Variants in MTUS2 observed in about 807,000 individuals in gnomAD.
MTUS2 encodes microtubule-associated tumor suppressor candidate 2.
MTUS2 carries 40 observed loss-of-function variants against 114.1 expected under a neutral mutation model. The ratio of observed to expected loss-of-function variants is 0.35; its 90% confidence interval spans 0.27 to 0.46. The LOEUF (loss-of-function observed/expected upper bound fraction) is 0.46, where lower values mean the gene tolerates loss of function less well. Ranked by LOEUF, MTUS2 falls within the 20% of genes least tolerant of loss-of-function variation. MTUS2 has a pLI of 1.00. For synonymous variants in MTUS2, 688 were observed against 672.0 expected (o/e 1.02, Z -0.37); for missense variants, 1,679 against 1,705.4 (o/e 0.98, Z 0.27).
chr13:29,191,168 C>T (rs1894433154), intron 5 of MTUS2, among the ~76,000 whole-genome samples: 1 of 151,984 alleles, frequency 6.6e-6, no homozygotes, highest in Admixed American at 6.6e-5. Context: ...TCATGCTGCC[C>T]TTGGAGATTC....
intron 5 of MTUS2, among the ~76,000 whole-genome samples, chr13:29,154,646 A>C (rs1386280615): frequency 1.3e-5 from 2 of 152,238 alleles, no homozygotes; most frequent in Non-Finnish European, 2.9e-5. Context: ...GAATCAATGC[A>C]GGAAAAGAAC....
At chr13:29,399,222 G>A (rs186953799) in intron 8 of MTUS2, among the ~76,000 whole-genome samples, 3 of 152,316 alleles carry the variant, frequency 2.0e-5, no homozygotes, top group African/African-American at 7.2e-5. Flanking sequence ...TGAGAGTGTA[G>A]CAGCAAGGAC....
intron 2 of MTUS2, among the ~76,000 whole-genome samples, chr13:28,953,151 T>C (rs117302967): frequency 0.019 from 2,820 of 151,994 alleles, 36 homozygotes; most frequent in Non-Finnish European, 0.028. Context: ...TTGACTTTGC[T>C]GGGAATTTCC....
chr13:29,362,118 T>A (rs1870306617), intron 8 of MTUS2, among the ~76,000 whole-genome samples: 1 of 152,220 alleles, frequency 6.6e-6, no homozygotes, highest in African/African-American at 2.4e-5. Context: ...TAATAACTCT[T>A]CACAAAGTCA....
intron 2 of MTUS2, among the ~76,000 whole-genome samples, chr13:28,840,772 CA>C (rs1875420358): frequency 6.6e-6 from 1 of 152,108 alleles, no homozygotes; most frequent in South Asian, 2.1e-4. Context: ...TCATAGAGGA[CA>C]GAAGATAGAA....
intron 6 of MTUS2, chr13:29,306,755 G>T (rs1899484107): frequency 6.8e-6 from 2 of 292,872 alleles, no homozygotes; most frequent in Non-Finnish European, 1.4e-5. Context: ...CTCTTGCATT[G>T]CCAGCCGCAT....
chr13:29,118,941 G>A (rs1444451227), intron 5 of MTUS2, among the ~76,000 whole-genome samples: 1 of 152,118 alleles, frequency 6.6e-6, no homozygotes, highest in African/African-American at 2.4e-5. Flanking sequence ...CAGAGCTGAA[G>A]ATTTGCAGGA....
At position 28,826,813 on chromosome 13, in the gene MTUS2, A is replaced by G. The variant is rs567444195; in HGVS notation, c.-316+6202A>G. On this transcript the variant is annotated intron_variant, in intron 1 of 15. Transcript: ENST00000612955. ...TAGCCTTGGATTACAATAAATGATAATAAAACAGCAGAAGCAAATAACACT... is the reference window on the plus strand; with the variant it reads ...TAGCCTTGGATTACAATAAATGATAGTAAAACAGCAGAAGCAAATAACACT... Among the ~76,000 whole-genome samples, 34 of 152,380 alleles carry G rather than the reference A, an allele frequency of 2.2e-4. No individual in the cohort carries two copies. The South Asian group carries it at 6.6e-3, about 30-fold the overall frequency.
chr13:29,017,695 G>C (rs1272844819), intron 2 of MTUS2, among the ~76,000 whole-genome samples: 1 of 129,352 alleles, frequency 7.7e-6, no homozygotes, highest in Non-Finnish European at 1.7e-5. Flanking sequence ...TTTTCATCTT[G>C]AAAGATTGAA....
chr13:29,215,987 T>C (rs1332256564), intron 5 of MTUS2, among the ~76,000 whole-genome samples: 1 of 152,238 alleles, frequency 6.6e-6, no homozygotes, highest in Non-Finnish European at 1.5e-5. Context: ...AGCCGTCCTC[T>C]TCCCCCAGGT....
At chr13:29,363,468 C>A (rs1482354760) in intron 8 of MTUS2, among the ~76,000 whole-genome samples, 1 of 152,042 alleles carries the variant, frequency 6.6e-6, no homozygotes, top group Non-Finnish European at 1.5e-5. Context: ...TCTAAACTTA[C>A]TAAAAAATTA....
At position 29,504,839 on chromosome 13, in the gene MTUS2, G is replaced by T. The variant is rs1416099161; in HGVS notation, c.*1633G>T. On this transcript the variant is annotated 3_prime_UTR_variant, in exon 16 of 16. Transcript: ENST00000612955. ...CCAAGGCGAGAAGAACCATGAGGGG[G>T]TCCTGCAGGGGCCGGAGCCATGGAA... 4.3e-6 allele frequency: 1 copy of T among 232,820 alleles called. No individual in the cohort carries two copies. The highest frequency in any genetic ancestry group is 6.0e-5 in the East Asian group (1 of 16,560). 14.4% of individuals were successfully genotyped at this position (232,820 alleles called of 1,614,324 possible).
Position 29,026,484 on chromosome 13 carries a change from G to A in MTUS2, c.1786G>A (p.Gly596Arg). The change falls in exon 3 of 16, where the codon GGG (glycine) becomes AGG (arginine). Residue 596 changes from glycine (G) to arginine (R), a missense_variant. Physicochemically the swap from Gly to Arg is moderately radical, Grantham distance 125. Around this residue, in one of 3 missense-constraint regions of MTUS2, gnomAD observed 843 missense variants for 770.8 expected, o/e 1.09. Transcript: ENST00000612955. ...KVPDKNTCPS[G>R]IPKPVFTHSK... ...GCCTGACAAGAACACTTGCCCCAGT[G>A]GGATCCCCAAGCCTGTCTTCACACA... The A allele has an allele frequency of 6.2e-7, 1 of 1,613,950 alleles. No individual in the cohort carries two copies. The highest frequency in any genetic ancestry group is 8.5e-7 in the Non-Finnish European group (1 of 1,179,888).
intron 5 of MTUS2, among the ~76,000 whole-genome samples, chr13:29,172,040 G>T (rs1893584054): frequency 6.6e-6 from 1 of 152,196 alleles, no homozygotes; most frequent in Non-Finnish European, 1.5e-5. Flanking sequence ...GTTATATTAA[G>T]GGGAAAGGAG....
intron 1 of MTUS2, among the ~76,000 whole-genome samples, chr13:28,833,565 A>G (rs1024161306): frequency 3.1e-4 from 47 of 152,282 alleles, no homozygotes; most frequent in African/African-American, 1.1e-3. Context: ...AACTTCCTCA[A>G]CCTAATGAAG....
At chr13:29,332,281 G>C (rs1900818355) in intron 7 of MTUS2, among the ~76,000 whole-genome samples, 1 of 152,034 alleles carries the variant, frequency 6.6e-6, no homozygotes, top group Admixed American at 6.6e-5. Context: ...TCCTGGTTTA[G>C]TATTGGGAGG....
At chr13:29,421,605 A>G (rs1876113761) in intron 8 of MTUS2, among the ~76,000 whole-genome samples, 1 of 152,248 alleles carries the variant, frequency 6.6e-6, no homozygotes, top group Non-Finnish European at 1.5e-5. Flanking sequence ...TCTTCAAGGC[A>G]GGTCATAGGT....
At chr13:29,250,124 TAATAA>T (rs977503196) in intron 5 of MTUS2, among the ~76,000 whole-genome samples, 17 of 151,802 alleles carry the variant, frequency 1.1e-4, no homozygotes, top group African/African-American at 2.2e-4. Context: ...TCTTAAAAAA[TAATAA>T]AATAAAATAA....
Position 29,428,543 on chromosome 13 carries a change from G to C in MTUS2, c.3118-11440G>C, listed in dbSNP as rs1411252621. 3 of 558,648 alleles carry C rather than the reference G, an allele frequency of 5.4e-6. No individual in the cohort carries two copies. In the East Asian group the frequency reaches 9.8e-5, roughly 18 times the overall value. 34.6% of individuals were successfully genotyped at this position (558,648 alleles called of 1,614,324 possible). A position where few individuals can be genotyped will look rare whatever the true frequency, so the allele number is the denominator to read the frequency against. On this transcript the variant is annotated intron_variant, in intron 8 of 15. Coordinates refer to ENST00000612955, the MANE Select transcript of MTUS2 (RefSeq NM_001033602.4). ...TGCGACTATTGATTTGCCTCACCCT[G>C]AGGACTCCAGTGGCAAAGTGACCCT...
Sources: allele counts gnomAD v4.1 joint callset (sites outside exome capture counted in the v4.1 genomes callset), GRCh38; gene constraint gnomAD v4.1.1; regional missense constraint gnomAD v4.1.1; transcripts MANE v1.5; gene names NCBI Gene and HGNC (gene_info 2026-07-23, HGNC 2026-07-21).